Variants in AGPAT3 observed in about 807,000 individuals in gnomAD.
The protein encoded by AGPAT3 is 1-acyl-sn-glycerol-3-phosphate acyltransferase gamma.
In AGPAT3, 5 loss-of-function variants were observed where a neutral mutation model predicts 47.3. The observed-to-expected ratio is 0.11, with a 90% CI of 0.06 to 0.22. The LOEUF is 0.22. Ranked by LOEUF, AGPAT3 falls within the 10% of genes least tolerant of loss-of-function variation. AGPAT3 has a pLI of 1.00. For synonymous variants in AGPAT3, 212 were observed against 208.3 expected (o/e 1.02, Z -0.15); for missense variants, 315 against 493.0 (o/e 0.64, Z 3.42).
chr21:43,962,649 G>A (rs1160809325), intron 3 of AGPAT3, among the ~76,000 whole-genome samples: 1 of 152,184 alleles, frequency 6.6e-6, no homozygotes, highest in African/African-American at 2.4e-5. Flanking sequence ...TGTCAGCACT[G>A]CCTTTCAGGA....
intron 4 of AGPAT3, 22 bp from the exon 5 acceptor site, chr21:43,969,095 GC>G (rs1375381500): frequency 1.3e-5 from 21 of 1,612,910 alleles, no homozygotes; most frequent in Non-Finnish European, 1.8e-5. Context: ...AGTGCCAGGT[GC>G]CCCTCCTTCT....
At chr21:43,876,336 A>G (rs562143796) in intron 1 of AGPAT3, among the ~76,000 whole-genome samples, 3 of 152,304 alleles carry the variant, frequency 2.0e-5, no homozygotes, top group Admixed American at 2.0e-4. Flanking sequence ...TTGTTCTGCT[A>G]CCTCTTGCTC....
chr21:43,902,282 C>T (rs1233587903), intron 1 of AGPAT3, among the ~76,000 whole-genome samples: 1 of 152,182 alleles, frequency 6.6e-6, no homozygotes, highest in East Asian at 1.9e-4. Context: ...CACCTATCTA[C>T]AAAAACAATG....
intron 2 of AGPAT3, 25 bp from the exon 3 acceptor site, chr21:43,959,609 G>GCTGTCC (rs1346155781): frequency 9.4e-6 from 15 of 1,597,612 alleles, no homozygotes; most frequent in East Asian, 2.2e-5. Context: ...CCACCCTGAC[G>GCTGTCC]CTGTCCCTGT....
Position 43,981,172 on chromosome 21 carries a change from G to T in AGPAT3, c.1027G>T (p.Gly343Trp), listed in dbSNP as rs1052266092. 1.9e-6 allele frequency: 3 copies of T among 1,614,018 alleles called. No individual in the cohort carries two copies. The highest frequency in any genetic ancestry group is 2.5e-6 in the Non-Finnish European group (3 of 1,180,030). ...ACCTCTCCTGATCCTGACTTTCTTG[G>T]GGTTTGTGGGAGCAGGTAATGGACA... is the stretch of plus-strand genomic sequence containing the variant. ...GSPLLILTFLGFVGAASFGVR... is the reference protein window; with the variant it reads ...GSPLLILTFLWFVGAASFGVR... Residue 343 changes from glycine to tryptophan, a missense_variant, in exon 9 of 10, where the codon GGG becomes TGG. By Grantham distance (184) the Gly-to-Trp change is radical. Transcript: ENST00000291572. The surrounding 1 kb of genome is among the most constrained non-coding windows in gnomAD (Gnocchi z 5.3).
chr21:43,918,737 C>T (rs886306856), intron 2 of AGPAT3, among the ~76,000 whole-genome samples: 2 of 152,086 alleles, frequency 1.3e-5, no homozygotes, highest in African/African-American at 2.4e-5. Context: ...CCACCACGCC[C>T]AGCTAATTTT....
At chr21:43,972,179 C>T (rs1472538302) in intron 7 of AGPAT3, among the ~76,000 whole-genome samples, 4 of 152,154 alleles carry the variant, frequency 2.6e-5, no homozygotes, top group African/African-American at 4.8e-5. Flanking sequence ...GAGTTTCACC[C>T]CATCGCCCAG....
chr21:43,942,256 G>A (rs1371810698), intron 2 of AGPAT3, among the ~76,000 whole-genome samples: 2 of 152,200 alleles, frequency 1.3e-5, no homozygotes, highest in African/African-American at 4.8e-5. Context: ...GGACAGAGAC[G>A]TTGAGCGTCA....
chr21:43,929,914 A>G (rs924260899), intron 2 of AGPAT3, among the ~76,000 whole-genome samples: 1 of 152,246 alleles, frequency 6.6e-6, no homozygotes, highest in Admixed American at 6.5e-5. Flanking sequence ...GCGAGCTCAC[A>G]GTGTCTCATT....
rs1473194575 is a variant in AGPAT3, at chr21:43,971,440, C to T, written c.717C>T (p.Ser239=). The T allele has an allele frequency of 6.2e-7, 1 of 1,614,242 alleles. No individual in the cohort carries two copies. ...TLNFRGNKNP[S]LLGILYGKKY... ...ACTTCAGAGGAAACAAGAACCCGTC[C>T]CTGCTGGGGATCCTCTACGGGAAGA... The change falls in exon 7 of 10, where the codon TCC becomes TCT. Residue 239 remains serine (S), a synonymous_variant. Coordinates refer to ENST00000291572, the MANE Select transcript of AGPAT3 (RefSeq NM_020132.5).
chr21:43,966,503 C>T (rs1798349870), intron 3 of AGPAT3: 1 of 152,216 alleles, frequency 6.6e-6, no homozygotes, highest in African/African-American at 2.4e-5. Context: ...GAATTGGGGT[C>T]CCTTGGTACC....
At chr21:43,905,502 G>A (rs916574301) in intron 2 of AGPAT3, among the ~76,000 whole-genome samples, 1 of 152,052 alleles carries the variant, frequency 6.6e-6, no homozygotes, top group East Asian at 1.9e-4. Context: ...GTCTCTTTAG[G>A]ATTGTTTTAT....
intron 3 of AGPAT3, among the ~76,000 whole-genome samples, chr21:43,964,604 T>C (rs368523037): frequency 5.8e-4 from 89 of 152,302 alleles, no homozygotes; most frequent in African/African-American, 2.1e-3. Flanking sequence ...ATCTCTTTTG[T>C]TAATGCAAGA....
Position 43,967,937 on chromosome 21 carries a change from T to C in AGPAT3, c.179-9T>C. On this transcript the variant is annotated splice_polypyrimidine_tract_variant and intron_variant, in intron 3 of 9. Coordinates refer to ENST00000291572, the MANE Select transcript of AGPAT3 (RefSeq NM_020132.5). The stretch of plus-strand genomic sequence containing the variant: ...CCTACCAGTGCCAACGCCCTCCCCC[T>C]GTCCGCAGAACTGGTCATGCTGCTG... 1 of 1,612,618 alleles carries C rather than the reference T, an allele frequency of 6.2e-7. No individual in the cohort carries two copies. Among genetic ancestry groups the C allele is most frequent in the South Asian group, 1.1e-5 (1 of 91,020 alleles).
At chr21:43,876,074 C>G (rs1183690184) in intron 1 of AGPAT3, among the ~76,000 whole-genome samples, 1 of 152,086 alleles carries the variant, frequency 6.6e-6, no homozygotes, top group African/African-American at 2.4e-5. Flanking sequence ...AGGCACCATG[C>G]CCAGCCTAAC....
At chr21:43,963,862 G>A (rs181904153) in intron 3 of AGPAT3, among the ~76,000 whole-genome samples, 4 of 152,078 alleles carry the variant, frequency 2.6e-5, no homozygotes, top group Admixed American at 2.0e-4. Context: ...TCAATGTGCT[G>A]GAAAATCACC....
At chr21:43,898,865 G>A (rs939150842) in intron 1 of AGPAT3, among the ~76,000 whole-genome samples, 3 of 150,388 alleles carry the variant, frequency 2.0e-5, no homozygotes, top group Non-Finnish European at 4.4e-5. Flanking sequence ...AATATCACAA[G>A]ACATTGCTGG....
intron 1 of AGPAT3, among the ~76,000 whole-genome samples, chr21:43,870,922 G>A (rs1311421292): frequency 6.6e-6 from 1 of 152,126 alleles, no homozygotes; most frequent in Non-Finnish European, 1.5e-5. Context: ...CTTTCACAGG[G>A]TCTGGCTCAC....
chr21:43,966,231 C>T (rs932442114), intron 3 of AGPAT3: 3 of 152,274 alleles, frequency 2.0e-5, no homozygotes, highest in East Asian at 1.9e-4. Context: ...CAGCGCAGCT[C>T]GTCTTTCCAG....
Sources: gnomAD v4.1 joint callset for allele counts (sites outside exome capture counted in the v4.1 genomes callset) on GRCh38, gnomAD v4.1.1 for gene constraint, Gnocchi (gnomAD v3.1) non-coding constraint, MANE v1.5 for transcripts, NCBI Gene and HGNC (gene_info 2026-07-23, HGNC 2026-07-21) for gene names.